Variants in PTPRT observed in about 807,000 individuals in gnomAD.
The protein encoded by PTPRT is protein tyrosine phosphatase receptor type T, also known as receptor-type tyrosine-protein phosphatase T.
PTPRT carries 56 observed loss-of-function variants against 176.8 expected under a neutral mutation model. That is an observed-to-expected ratio of 0.32 (90% CI 0.26 to 0.40). The LOEUF (loss-of-function observed/expected upper bound fraction) is 0.40. Ranked by LOEUF, PTPRT falls within the 10% of genes least tolerant of loss-of-function variation. The probability of loss-of-function intolerance (pLI) is 1.00; values close to 1 mark genes in which losing one functional copy is unlikely to be tolerated. For missense variants in PTPRT, 1,540 were observed against 1,908.2 expected (o/e 0.81, Z 3.60); for synonymous variants, 783 against 739.0 (o/e 1.06, Z -0.96).
chr20:42,570,813 T>C (rs2073140133), intron 7 of PTPRT, among the ~76,000 whole-genome samples: 1 of 152,194 alleles, frequency 6.6e-6, no homozygotes. Context: ...TAATCCAAGC[T>C]AATCTTCCCA....
At chr20:42,814,429 TA>T (rs1244267618) in intron 2 of PTPRT, among the ~76,000 whole-genome samples, 4 of 152,238 alleles carry the variant, frequency 2.6e-5, no homozygotes, top group African/African-American at 9.6e-5. Context: ...TTAGAAGTAC[TA>T]AGTTAGATAA....
At position 42,445,917 on chromosome 20, in the gene PTPRT, T is replaced by G. The variant is rs1443909065; in HGVS notation, c.1560+2303A>C. Among the ~76,000 whole-genome samples, 4 of 152,182 alleles carry G rather than the reference T, an allele frequency of 2.6e-5. No individual in the cohort carries two copies. In the East Asian group the frequency reaches 7.7e-4, roughly 29 times the overall value. ...TAATAATGCCTCAATTGCAGGAGGT[T>G]CTACTCAAACACAGAGTCTAACTCA... On this transcript the variant is annotated intron_variant, in intron 9 of 30. Transcript: ENST00000373187.
chr20:42,337,160 C>CA (rs142463346), intron 11 of PTPRT, among the ~76,000 whole-genome samples: 6,792 of 152,206 alleles, frequency 0.045, 475 homozygotes, highest in African/African-American at 0.16. Flanking sequence ...AGAAGCCCCC[C>CA]CTTCCCTGGC....
At chr20:42,366,726 T>C (rs2058519576) in intron 9 of PTPRT, among the ~76,000 whole-genome samples, 1 of 152,212 alleles carries the variant, frequency 6.6e-6, no homozygotes, top group South Asian at 2.1e-4. Context: ...GAAGACTGCC[T>C]TTTCTCTCTG....
intron 4 of PTPRT, among the ~76,000 whole-genome samples, chr20:42,771,980 T>C (rs2077069532): frequency 6.6e-6 from 1 of 152,118 alleles, no homozygotes; most frequent in African/African-American, 2.4e-5. Flanking sequence ...ACTACGACAC[T>C]GAAAGTTAAA....
chr20:43,120,845 G>A (rs945112016), intron 1 of PTPRT, among the ~76,000 whole-genome samples: 5 of 152,058 alleles, frequency 3.3e-5, no homozygotes, highest in Non-Finnish European at 7.4e-5. Flanking sequence ...TTTTTGTATT[G>A]AAATTTTGTA....
At chr20:42,504,695 A>C (rs1196663464) in intron 7 of PTPRT, among the ~76,000 whole-genome samples, 1 of 152,134 alleles carries the variant, frequency 6.6e-6, no homozygotes, top group Non-Finnish European at 1.5e-5. Context: ...ATCAAATGTA[A>C]CATTTTCACA....
At chr20:43,073,554 T>A (rs901163622) in intron 1 of PTPRT, among the ~76,000 whole-genome samples, 7 of 151,836 alleles carry the variant, frequency 4.6e-5, no homozygotes, top group Non-Finnish European at 7.4e-5. Flanking sequence ...CATGTGTTTT[T>A]TATATATATA....
chr20:42,331,108 G>A (rs185952632), intron 11 of PTPRT, among the ~76,000 whole-genome samples: 1 of 151,662 alleles, frequency 6.6e-6, no homozygotes, highest in African/African-American at 2.4e-5. Flanking sequence ...TCTTTACCCC[G>A]GGCCTCTCAA....
chr20:42,528,067 C>A (rs1307715048), intron 7 of PTPRT, among the ~76,000 whole-genome samples: 1 of 152,188 alleles, frequency 6.6e-6, no homozygotes, highest in African/African-American at 2.4e-5. Context: ...GATCTGGCTC[C>A]TGTCGGCCCT....
intron 1 of PTPRT, among the ~76,000 whole-genome samples, chr20:42,960,456 A>G (rs1429398088): frequency 6.6e-6 from 1 of 152,184 alleles, no homozygotes; most frequent in African/African-American, 2.4e-5. Flanking sequence ...TCATGACCTA[A>G]GAACCTCCTA....
At chr20:43,002,504 C>T (rs1004466193) in intron 1 of PTPRT, among the ~76,000 whole-genome samples, 2 of 152,082 alleles carry the variant, frequency 1.3e-5, no homozygotes, top group African/African-American at 4.8e-5. Flanking sequence ...CAAGAAAACA[C>T]CATTAAGTTT....
At chr20:42,957,870 G>A (rs906472162) in intron 1 of PTPRT, among the ~76,000 whole-genome samples, 9 of 152,024 alleles carry the variant, frequency 5.9e-5, no homozygotes, top group African/African-American at 2.2e-4. Context: ...GATGGTCCCA[G>A]GATTCCAGGA....
At chr20:43,184,474 A>G (rs1236856870) in intron 1 of PTPRT, among the ~76,000 whole-genome samples, 1 of 152,116 alleles carries the variant, frequency 6.6e-6, no homozygotes, top group Non-Finnish European at 1.5e-5. Context: ...GGATCACAAG[A>G]TCGAGGGATT....
rs932547298 is a variant in PTPRT at position 42,611,096 on chromosome 20, T to C, written c.1153+66770A>G. On this transcript the variant is annotated intron_variant, in intron 7 of 30. Coordinates refer to ENST00000373187, the MANE Select transcript of PTPRT (RefSeq NM_007050.6). ...CTGATGGGCATGTGGGCGGTTTCTA[T>C]TTTGGGGTGATCATGAATACTACTG... 3.3e-5 allele frequency among the ~76,000 whole-genome samples: 5 copies of C among 152,334 alleles called. No individual in the cohort carries two copies. The East Asian group carries it at 5.8e-4, about 18-fold the overall frequency.
intron 9 of PTPRT, among the ~76,000 whole-genome samples, chr20:42,446,489 T>C (rs2070734308): frequency 6.6e-6 from 1 of 152,088 alleles, no homozygotes. Flanking sequence ...CATAACAGTA[T>C]CAAGTAACTT....
intron 15 of PTPRT, among the ~76,000 whole-genome samples, chr20:42,221,395 A>C (rs973186368): frequency 6.6e-6 from 1 of 152,222 alleles, no homozygotes; most frequent in African/African-American, 2.4e-5. Context: ...TATAAACAAA[A>C]GAGGTTTAAT....
At chr20:42,989,269 G>A (rs536029192) in intron 1 of PTPRT, among the ~76,000 whole-genome samples, 4 of 152,380 alleles carry the variant, frequency 2.6e-5, no homozygotes, top group South Asian at 4.1e-4. Context: ...GCACATGGGT[G>A]CAAGCACAAT....
intron 1 of PTPRT, among the ~76,000 whole-genome samples, chr20:42,979,115 C>T (rs751809484): frequency 6.6e-6 from 1 of 151,946 alleles, no homozygotes; most frequent in Non-Finnish European, 1.5e-5. Flanking sequence ...AAAATGGTAC[C>T]TTTATTCTTT....
Sources: gnomAD v4.1 joint callset for allele counts (sites outside exome capture counted in the v4.1 genomes callset) on GRCh38, gnomAD v4.1.1 for gene constraint, MANE v1.5 for transcripts, NCBI Gene and HGNC (gene_info 2026-07-23, HGNC 2026-07-21) for gene names.